Variants in WDFY4 observed in about 807,000 individuals in gnomAD.
WDFY4 encodes WD repeat- and FYVE domain-containing protein 4.
A neutral mutation model predicts 351.9 loss-of-function variants in WDFY4; 169 were observed. The observed-to-expected ratio is 0.48, with a 90% CI of 0.42 to 0.55. WDFY4 has a LOEUF of 0.55. Among genes scored for constraint, WDFY4 ranks in the 20% least tolerant of loss-of-function variants. WDFY4 has a pLI of 0.00. For missense variants in WDFY4, 3,803 were observed against 3,935.6 expected (o/e 0.97, Z 0.90); for synonymous variants, 1,622 against 1,574.6 (o/e 1.03, Z -0.71).
intron 39 of WDFY4, among the ~76,000 whole-genome samples, chr10:48,852,125 G>A (rs1435366364): frequency 6.6e-6 from 1 of 152,144 alleles, no homozygotes. Flanking sequence ...CCCTTGACCT[G>A]ACCCAAATCT....
chr10:48,805,959 G>T (rs766774546), intron 26 of WDFY4, 45 bp from the exon 27 acceptor site: 2 of 1,526,008 alleles, frequency 1.3e-6, no homozygotes, highest in Non-Finnish European at 1.8e-6. Flanking sequence ...AGCGGACTCA[G>T]TTGAGCCCGC....
rs576423566 is a variant in WDFY4 at position 48,867,442 on chromosome 10, T to C, written c.6741+100T>C. 363 of 679,194 alleles carry C rather than the reference T, an allele frequency of 5.3e-4. 2 individuals carry two copies. In the African/African-American group the frequency reaches 5.7e-3, roughly 11 times the overall value. 42.1% of individuals were successfully genotyped at this position (679,194 alleles called of 1,614,324 possible). A position where few individuals can be genotyped will look rare whatever the true frequency, so the allele number is the denominator to read the frequency against. On this transcript the variant is annotated intron_variant, in intron 40 of 61. Coordinates refer to ENST00000325239, the MANE Select transcript of WDFY4 (RefSeq NM_001394531.1). ...GCCTTTGGTTTACGTTCTGGATTGCTCACCAGGCTTGCACCATGTTGGGGT... is the reference window on the plus strand; with the variant it reads ...GCCTTTGGTTTACGTTCTGGATTGCCCACCAGGCTTGCACCATGTTGGGGT...
At position 48,982,733 on chromosome 10, in the gene WDFY4, C is replaced by T; in HGVS notation, c.*158C>T. 1.4e-6 allele frequency: 1 copy of T among 707,928 alleles called. No individual in the cohort carries two copies. The highest frequency in any genetic ancestry group is 2.5e-6 in the Non-Finnish European group (1 of 397,186). The allele number at this position is 707,928 out of a possible 1,614,324, so 43.9% of individuals were successfully genotyped here. A position where few individuals can be genotyped will look rare whatever the true frequency, so the allele number is the denominator to read the frequency against. On this transcript the variant is annotated 3_prime_UTR_variant, in exon 62 of 62. Coordinates refer to ENST00000325239, the MANE Select transcript of WDFY4 (RefSeq NM_001394531.1). ...TGGCAATCACAGCTCTGCAGCCCAA[C>T]CCTCTCCATGGCCGATGGGACTTCT...
In WDFY4 at chr10:48,969,026, C is replaced by T. The variant is rs907165282; in HGVS notation, c.8585-38C>T. ...GGGCCCAGCTGTAGTGGGTGCTGTT[C>T]TTCCATGCATAAGTTCGCCATACTA... On this transcript the variant is annotated intron_variant, in intron 55 of 61. Transcript: ENST00000325239. 3 of 1,542,382 alleles carry T rather than the reference C, an allele frequency of 1.9e-6. No individual in the cohort carries two copies. In the African/African-American group the frequency reaches 4.1e-5, roughly 21 times the overall value.
chr10:48,720,202 C>T, intron 3 of WDFY4, 77 bp downstream of exon 3: 1 of 1,418,568 alleles, frequency 7.0e-7, no homozygotes, highest in Non-Finnish European at 9.6e-7. Context: ...CCTCTCAGGC[C>T]CCCCTCTGCT....
chr10:48,767,131 G>A (rs947043362), intron 13 of WDFY4, among the ~76,000 whole-genome samples: 1 of 152,228 alleles, frequency 6.6e-6, no homozygotes, highest in Admixed American at 6.5e-5. Flanking sequence ...AGTAAGGCTT[G>A]TGTTGGCATG....
intron 30 of WDFY4, among the ~76,000 whole-genome samples, chr10:48,813,591 A>C (rs1447338385): frequency 1.3e-5 from 2 of 152,150 alleles, no homozygotes; most frequent in Non-Finnish European, 1.5e-5. Context: ...TAAGTTTAGA[A>C]TCTCTCTATA....
chr10:48,767,800 T>C (rs1266235947), intron 13 of WDFY4, among the ~76,000 whole-genome samples: 1 of 152,116 alleles, frequency 6.6e-6, no homozygotes, highest in East Asian at 1.9e-4. Flanking sequence ...TAGTCCCAAG[T>C]GAAGTGAGGA....
In WDFY4 at chr10:48,855,497, G is replaced by C. The variant is rs1202886566; in HGVS notation, c.6664-11768G>C. On this transcript the variant is annotated intron_variant, in intron 39 of 61. Transcript: ENST00000325239. ...GTAGTGGTTCATTTGTTTTCACAGT[G>C]GTAGGGCAACAGTTCTCAAACTTTT... Among the ~76,000 whole-genome samples the C allele has an allele frequency of 2.0e-5, 3 of 152,138 alleles. No homozygotes were observed. The East Asian group carries it at 5.8e-4, about 29-fold the overall frequency.
intron 39 of WDFY4, among the ~76,000 whole-genome samples, chr10:48,833,141 A>ATGTG (rs1227956041): frequency 0.019 from 2,696 of 141,496 alleles, 80 homozygotes; most frequent in African/African-American, 0.067. Context: ...GGCACCAACA[A>ATGTG]TGTGTGTGTG....
At chr10:48,925,611 GA>G (rs1262430377) in intron 47 of WDFY4, among the ~76,000 whole-genome samples, 17 of 152,210 alleles carry the variant, frequency 1.1e-4, no homozygotes, top group African/African-American at 4.1e-4. Flanking sequence ...CCTGTGGGCA[GA>G]AGGACAGATT....
At chr10:48,705,675 G>C (rs2070279935) in intron 1 of WDFY4, among the ~76,000 whole-genome samples, 1 of 152,222 alleles carries the variant, frequency 6.6e-6, no homozygotes, top group Non-Finnish European at 1.5e-5. Flanking sequence ...GTCCGCATTA[G>C]TTAGAAATCC....
At chr10:48,853,210 A>C (rs1448289824) in intron 39 of WDFY4, among the ~76,000 whole-genome samples, 1 of 152,146 alleles carries the variant, frequency 6.6e-6, no homozygotes, top group Non-Finnish European at 1.5e-5. Flanking sequence ...ATTATCTCTC[A>C]GGAGTCTCTG....
intron 47 of WDFY4, among the ~76,000 whole-genome samples, chr10:48,930,658 A>G (rs1415989590): frequency 1.3e-5 from 2 of 152,230 alleles, no homozygotes; most frequent in Admixed American, 6.5e-5. Flanking sequence ...TTTGATAGAA[A>G]CATGCTTATG....
intron 47 of WDFY4, among the ~76,000 whole-genome samples, chr10:48,927,812 C>A (rs567572702): frequency 6.6e-6 from 1 of 152,336 alleles, no homozygotes; most frequent in Non-Finnish European, 1.5e-5. Flanking sequence ...GGTTTAATAG[C>A]ATCTATTTTG....
intron 13 of WDFY4, among the ~76,000 whole-genome samples, chr10:48,769,124 C>A (rs1438162015): frequency 3.9e-5 from 6 of 152,208 alleles, no homozygotes; most frequent in Non-Finnish European, 8.8e-5. Flanking sequence ...TTGGAGCAGG[C>A]ACCCACCCAT....
At chr10:48,950,450 C>A (rs1016728150) in intron 51 of WDFY4, among the ~76,000 whole-genome samples, 3 of 152,186 alleles carry the variant, frequency 2.0e-5, no homozygotes, top group Middle Eastern at 3.2e-3. Flanking sequence ...GGGGTGCTTC[C>A]TCCCTCTGAT....
At chr10:48,939,310 A>G (rs1190916276) in intron 47 of WDFY4, among the ~76,000 whole-genome samples, 3 of 152,182 alleles carry the variant, frequency 2.0e-5, no homozygotes, top group Admixed American at 6.5e-5. Flanking sequence ...GCCCACACCA[A>G]TGCTAGCCTT....
chr10:48,711,943 A>T (rs1163439317), intron 2 of WDFY4, among the ~76,000 whole-genome samples: 1 of 152,168 alleles, frequency 6.6e-6, no homozygotes, highest in Non-Finnish European at 1.5e-5. Flanking sequence ...CTCGGAGCTC[A>T]CTCCAACATC....
Sources: gnomAD v4.1 joint callset for allele counts (sites outside exome capture counted in the v4.1 genomes callset) on GRCh38, gnomAD v4.1.1 for gene constraint, MANE v1.5 for transcripts, NCBI Gene and HGNC (gene_info 2026-07-23, HGNC 2026-07-21) for gene names.